Variants in TAFA2 observed in about 807,000 individuals in gnomAD.
The protein encoded by TAFA2 is TAFA chemokine like family member 2.
TAFA2 carries 7 observed loss-of-function variants against 18.8 expected under a neutral mutation model. The observed-to-expected ratio is 0.37, with a 90% CI of 0.21 to 0.70. TAFA2 has a LOEUF of 0.70. Among genes scored for constraint, TAFA2 ranks in the 30% least tolerant of loss-of-function variants. The pLI is 0.53. For synonymous variants in TAFA2, 60 were observed against 54.2 expected, an observed-to-expected ratio of 1.11 and a Z score of -0.47; for missense variants, 122 against 158.1, an observed-to-expected ratio of 0.77 and a Z score of 1.23.
At chr12:61,819,480 A>G (rs1223824340) in intron 2 of TAFA2, among the ~76,000 whole-genome samples, 1 of 152,156 alleles carries the variant, frequency 6.6e-6, no homozygotes, top group Non-Finnish European at 1.5e-5. Context: ...GCAAATCTAA[A>G]TATCTCTGGA....
At chr12:62,216,394 T>C (rs575962008) in intron 1 of TAFA2, among the ~76,000 whole-genome samples, 1 of 152,278 alleles carries the variant, frequency 6.6e-6, no homozygotes, top group African/African-American at 2.4e-5. Context: ...CATCTGTTTG[T>C]TAGTGTGGGT....
chr12:61,907,820 G>A (rs781484760), intron 1 of TAFA2, among the ~76,000 whole-genome samples: 40 of 152,170 alleles, frequency 2.6e-4, no homozygotes, highest in Non-Finnish European at 4.3e-4. Flanking sequence ...CTTTTGCATC[G>A]GTGTGCCCTG....
At chr12:62,250,180 G>A (rs867882225) in intron 1 of TAFA2, among the ~76,000 whole-genome samples, 19 of 152,112 alleles carry the variant, frequency 1.2e-4, no homozygotes, top group Non-Finnish European at 2.4e-4. Flanking sequence ...ATTTCCCTTC[G>A]TCTTGAATAC....
chr12:62,153,585 G>A (rs1049722578), intron 1 of TAFA2, among the ~76,000 whole-genome samples: 6 of 151,932 alleles, frequency 3.9e-5, no homozygotes, highest in Non-Finnish European at 8.8e-5. Context: ...CAGGAGGACC[G>A]CTTAACCCCT....
chr12:62,225,841 A>G (rs7296903), intron 1 of TAFA2, among the ~76,000 whole-genome samples: 12,838 of 152,314 alleles, frequency 0.084, 682 homozygotes, highest in Middle Eastern at 0.18. Flanking sequence ...AAAAGCATAG[A>G]GAAACAGGCA....
chr12:61,711,938 T>C (rs1478830972), intron 4 of TAFA2, among the ~76,000 whole-genome samples: 1 of 152,082 alleles, frequency 6.6e-6, no homozygotes, highest in Non-Finnish European at 1.5e-5. Flanking sequence ...CTGCCTGCCA[T>C]TCAGGAGTCA....
intron 1 of TAFA2, among the ~76,000 whole-genome samples, chr12:62,030,496 C>T (rs1476399600): frequency 1.3e-5 from 2 of 152,092 alleles, no homozygotes; most frequent in Non-Finnish European, 2.9e-5. Context: ...AAGGCAAGAG[C>T]ATGATCTGAA....
intron 4 of TAFA2, among the ~76,000 whole-genome samples, chr12:61,728,240 A>C (rs1261947052): frequency 3.9e-5 from 6 of 151,918 alleles, no homozygotes; most frequent in Non-Finnish European, 7.4e-5. Flanking sequence ...TGTTAAGTCC[A>C]TTTGTTCTGG....
At chr12:62,214,528 C>A (rs1027906917) in intron 1 of TAFA2, among the ~76,000 whole-genome samples, 2 of 152,146 alleles carry the variant, frequency 1.3e-5, no homozygotes, top group East Asian at 3.9e-4. Flanking sequence ...AATTAATACA[C>A]CCCCAAAAAT....
intron 1 of TAFA2, among the ~76,000 whole-genome samples, chr12:62,255,974 T>C (rs1009236109): frequency 3.3e-5 from 5 of 151,600 alleles, no homozygotes; most frequent in African/African-American, 7.3e-5. Flanking sequence ...TATGTACTTC[T>C]TAAAAAGAGG....
chr12:62,192,696 A>G lies in TAFA2; in HGVS notation c.-1439T>C, dbSNP rs1448305997. On this transcript the variant is annotated 5_prime_UTR_variant, in exon 1 of 5. Transcript: ENST00000416284. Reference sequence around the variant, plus strand: ...ACTCCAGGTTGAGTTAAGCAGTAAAATGGAATGGCAGGGCCGGGCGGCGTT... The same window carrying G: ...ACTCCAGGTTGAGTTAAGCAGTAAAGTGGAATGGCAGGGCCGGGCGGCGTT... The G allele has an allele frequency of 6.6e-6, 1 of 152,272 alleles. No individual in the cohort carries two copies. Among genetic ancestry groups the G allele is most frequent in the Admixed American group, 6.5e-5 (1 of 15,288 alleles). The allele number at this position is 152,272 out of a possible 1,614,324, so 9.4% of individuals were successfully genotyped here. A position where few individuals can be genotyped will look rare whatever the true frequency, so the allele number is the denominator to read the frequency against.
At chr12:61,985,327 C>T (rs1258118153) in intron 1 of TAFA2, among the ~76,000 whole-genome samples, 5 of 152,190 alleles carry the variant, frequency 3.3e-5, no homozygotes, top group South Asian at 2.1e-4. Flanking sequence ...TTTATACTTT[C>T]GCTCATGGGA....
intron 1 of TAFA2, among the ~76,000 whole-genome samples, chr12:62,101,006 T>A (rs1257792382): frequency 2.6e-5 from 4 of 152,148 alleles, no homozygotes; most frequent in African/African-American, 9.7e-5. Flanking sequence ...TGAGTTTTGA[T>A]ACCTTAAAAC....
At chr12:61,892,463 G>T (rs957220212) in intron 1 of TAFA2, among the ~76,000 whole-genome samples, 17 of 152,194 alleles carry the variant, frequency 1.1e-4, no homozygotes, top group African/African-American at 4.1e-4. Flanking sequence ...AAGACATCCA[G>T]TCAAGTTTGA....
chr12:61,909,609 T>C (rs1876515185), intron 1 of TAFA2, among the ~76,000 whole-genome samples: 1 of 152,086 alleles, frequency 6.6e-6, no homozygotes, highest in Non-Finnish European at 1.5e-5. Flanking sequence ...CCAGTAGCGA[T>C]AGTCATGTGG....
chr12:61,797,024 G>A (rs1372228698), intron 2 of TAFA2, among the ~76,000 whole-genome samples: 2 of 152,162 alleles, frequency 1.3e-5, no homozygotes, highest in African/African-American at 4.8e-5. Flanking sequence ...GTTACAGAGA[G>A]AACAGCTGTA....
intron 1 of TAFA2, among the ~76,000 whole-genome samples, chr12:62,099,178 C>T (rs1367969659): frequency 6.6e-6 from 1 of 151,934 alleles, no homozygotes; most frequent in Admixed American, 6.6e-5. Context: ...AATATAGAAA[C>T]ACTCTGCCTA....
At position 61,708,315 on chromosome 12, in the gene TAFA2, A is replaced by T. The variant is rs1869235978; in HGVS notation, c.*2091T>A. ...TTTTATTCACCTTTTCTGAATAGTC[A>T]CAACATTAATCTACTGGGGATAATC... On this transcript the variant is annotated 3_prime_UTR_variant, in exon 5 of 5. Transcript: ENST00000416284. 2 of 152,134 alleles carry T rather than the reference A, an allele frequency of 1.3e-5. No homozygotes were observed. Among genetic ancestry groups the T allele is most frequent in the Non-Finnish European group, 2.9e-5 (2 of 67,988 alleles). 9.4% of individuals were successfully genotyped at this position (152,134 alleles called of 1,614,324 possible).
At chr12:61,729,441 G>T (rs552679173) in intron 4 of TAFA2, among the ~76,000 whole-genome samples, 1 of 151,608 alleles carries the variant, frequency 6.6e-6, no homozygotes, top group East Asian at 1.9e-4. Context: ...CTTTGTTTTT[G>T]TCAGATTGAG....
Sources: gnomAD v4.1 joint callset for allele counts (sites outside exome capture counted in the v4.1 genomes callset) on GRCh38, gnomAD v4.1.1 for gene constraint, MANE v1.5 for transcripts, NCBI Gene and HGNC (gene_info 2026-07-23, HGNC 2026-07-21) for gene names.